The following HERC2 variants were observed in gnomAD, a reference collection of about 807,000 sequenced individuals.
The protein encoded by HERC2 is HECT and RLD domain containing E3 ubiquitin protein ligase 2.
In HERC2, 102 loss-of-function variants were observed where a neutral mutation model predicts 537.7. The ratio of observed to expected loss-of-function variants is 0.19; its 90% CI spans 0.16 to 0.22. The LOEUF (loss-of-function observed/expected upper bound fraction) is 0.22, where lower values mean the gene tolerates loss of function less well. Among genes scored for constraint, HERC2 ranks in the 10% least tolerant of loss-of-function variants. The probability of loss-of-function intolerance (pLI) is 1.00; values close to 1 mark genes in which losing one functional copy is unlikely to be tolerated. For missense variants in HERC2, 4,236 were observed against 6,198.2 expected (o/e 0.68, Z 10.63); for synonymous variants, 2,224 against 2,466.2 (o/e 0.90, Z 2.91).
In HERC2 at chr15:28,268,875, G is replaced by A. The variant is rs2075642906; in HGVS notation, c.1447-259C>T. Among the ~76,000 whole-genome samples, 2 of 152,262 alleles carry A rather than the reference G, an allele frequency of 1.3e-5. No individual in the cohort carries two copies. Among genetic ancestry groups the A allele is most frequent in the South Asian group, 2.1e-4 (1 of 4,822 alleles). On this transcript the variant is annotated intron_variant, in intron 11 of 92. Coordinates refer to ENST00000261609, the MANE Select transcript of HERC2 (RefSeq NM_004667.6). This position sits in a 1 kb window ranked among gnomAD's most constrained non-coding sequence, Gnocchi z 4.7. ...GGCTAGCCCCATGCCACAGAGACAC[G>A]CAGCCGACAGGGAGGAACACCTCGC...
chr15:28,189,779 C>G (rs1355410406), intron 55 of HERC2, among the ~76,000 whole-genome samples: 1 of 151,924 alleles, frequency 6.6e-6, no homozygotes, highest in African/African-American at 2.4e-5. Context: ...CAGTGTTCTC[C>G]AAAAATAAAT....
intron 3 of HERC2, among the ~76,000 whole-genome samples, chr15:28,295,345 C>CACTA (rs2076439462): frequency 6.7e-6 from 1 of 149,584 alleles, no homozygotes; most frequent in South Asian, 2.2e-4. Flanking sequence ...GTGGGGGGGT[C>CACTA]ACTAACCACA....
chr15:28,187,225 G>A (rs1197047027), intron 55 of HERC2, among the ~76,000 whole-genome samples: 1 of 152,104 alleles, frequency 6.6e-6, no homozygotes, highest in Non-Finnish European at 1.5e-5. Context: ...TTACCAACAT[G>A]TGACCAATCT....
chr15:28,112,650 C>T (rs4778246), intron 92 of HERC2, among the ~76,000 whole-genome samples: 147,212 of 152,160 alleles, frequency 0.97, 71,310 homozygotes, highest in Non-Finnish European at 0.99. Flanking sequence ...GGCAGGTCCA[C>T]TGAGCTTGTT....
At chr15:28,146,183 G>A (rs1891712563) in intron 71 of HERC2, 54 bp downstream of exon 71, 2 of 1,205,348 alleles carry the variant, frequency 1.7e-6, no homozygotes, top group Non-Finnish European at 2.5e-6. Flanking sequence ...GAAGGGTTGT[G>A]TCTACGGAGA....
intron 2 of HERC2, among the ~76,000 whole-genome samples, chr15:28,313,863 G>C (rs1395136647): frequency 6.6e-6 from 1 of 152,110 alleles, no homozygotes; most frequent in Non-Finnish European, 1.5e-5. Flanking sequence ...GAGAACCTAA[G>C]CAAGCAGGGA....
intron 83 of HERC2, among the ~76,000 whole-genome samples, chr15:28,129,376 C>T (rs905286982): frequency 6.6e-6 from 1 of 152,200 alleles, no homozygotes. Flanking sequence ...TGCTGTCTGC[C>T]GGGAAGCTGG....
At chr15:28,272,015 A>G (rs2075743027) in intron 9 of HERC2, 200 bp downstream of exon 9, 1 of 563,878 alleles carries the variant, frequency 1.8e-6, no homozygotes, top group African/African-American at 1.9e-5. Flanking sequence ...TTGTGCTGAC[A>G]AGGAAGTCAG....
At position 28,277,408 on chromosome 15, in the gene HERC2, A is replaced by C. The variant is rs1056219684; in HGVS notation, c.543-2403T>G. ...TGCCATTGAGGGCAACGGGACGAACAGTACAAGGAATCTCTATACTGGTTC... is the reference window on the plus strand; with the variant it reads ...TGCCATTGAGGGCAACGGGACGAACCGTACAAGGAATCTCTATACTGGTTC... On this transcript the variant is annotated intron_variant, in intron 5 of 92. Transcript: ENST00000261609. Among the ~76,000 whole-genome samples the C allele has an allele frequency of 2.0e-5, 3 of 152,094 alleles. No individual in the cohort carries two copies. In the East Asian group the frequency reaches 5.8e-4, roughly 29 times the overall value.
intron 3 of HERC2, among the ~76,000 whole-genome samples, chr15:28,295,522 C>T (rs1269741100): frequency 6.6e-6 from 1 of 152,140 alleles, no homozygotes; most frequent in Non-Finnish European, 1.5e-5. Flanking sequence ...GCCTCAGCCC[C>T]CAAGGAGCTG....
rs1897986598 is a variant in HERC2 at position 28,202,258 on chromosome 15, G to C, written c.7481-9C>G. The stretch of plus-strand genomic sequence containing the variant: ...GACCAAGGCTTCCACACCTAAGAGA[G>C]GCACACACAGCACAGCAGCCACTGT... On this transcript the variant is annotated splice_polypyrimidine_tract_variant and intron_variant, in intron 46 of 92. Transcript: ENST00000261609. 2 of 1,612,152 alleles carry C rather than the reference G, an allele frequency of 1.2e-6. No individual in the cohort carries two copies. The highest frequency in any genetic ancestry group is 1.7e-4 in the Middle Eastern group (1 of 6,050).
At chr15:28,117,298 C>T in intron 86 of HERC2, 144 bp from the exon 87 acceptor site, 1 of 858,232 alleles carries the variant, frequency 1.2e-6, no homozygotes, top group Non-Finnish European at 1.9e-6. Context: ...GTGTGGACGC[C>T]AGGCAGACCC....
At chr15:28,315,893 G>A (rs987019685) in intron 2 of HERC2, 4 of 467,272 alleles carry the variant, frequency 8.6e-6, no homozygotes, top group African/African-American at 7.8e-5. Flanking sequence ...AATGGATCTA[G>A]AACTTCATCG....
chr15:28,191,289 G>A (rs1896832081), intron 53 of HERC2, 45 bp from the exon 54 acceptor site: 1 of 1,313,180 alleles, frequency 7.6e-7, no homozygotes, highest in East Asian at 2.3e-5. Flanking sequence ...GCAAAATTCA[G>A]CTATATTTTA....
chr15:28,290,150 T>C (rs1764890542), intron 4 of HERC2, among the ~76,000 whole-genome samples: 1 of 152,238 alleles, frequency 6.6e-6, no homozygotes, highest in Non-Finnish European at 1.5e-5. Flanking sequence ...CTGAGATTCA[T>C]GTCAAACTAA....
chr15:28,141,671 C>T (rs199869075), intron 77 of HERC2, 41 bp from the exon 78 acceptor site: 447 of 1,611,458 alleles, frequency 2.8e-4, no homozygotes, highest in Non-Finnish European at 3.6e-4. Context: ...TGGGCAAGAA[C>T]AATGCACACA....
chr15:28,292,719 A>G (rs551480720), intron 4 of HERC2, among the ~76,000 whole-genome samples, 169 bp downstream of exon 4: 1 of 152,348 alleles, frequency 6.6e-6, no homozygotes, highest in African/African-American at 2.4e-5. Flanking sequence ...TACACATAAA[A>G]ATGGTTAAAA....
At chr15:28,293,419 G>A (rs1054742536) in intron 3 of HERC2, among the ~76,000 whole-genome samples, 6 of 151,488 alleles carry the variant, frequency 4.0e-5, no homozygotes, top group African/African-American at 1.5e-4. Flanking sequence ...CGTGAACCCG[G>A]GAGGCAGAGC....
intron 43 of HERC2, among the ~76,000 whole-genome samples, chr15:28,212,055 C>T (rs1437417082): frequency 5.3e-5 from 8 of 152,284 alleles, no homozygotes; most frequent in South Asian, 2.1e-4. Context: ...GCAAGCCAGG[C>T]GCTTCCGGGA....
Sources: gnomAD v4.1 joint callset for allele counts (sites outside exome capture counted in the v4.1 genomes callset) on GRCh38, gnomAD v4.1.1 for gene constraint, Gnocchi (gnomAD v3.1) non-coding constraint, MANE v1.5 for transcripts, NCBI Gene and HGNC (gene_info 2026-07-23, HGNC 2026-07-21) for gene names.